Variants in NDUFAF6 observed in about 807,000 individuals in gnomAD.
The protein encoded by NDUFAF6 is NADH dehydrogenase (ubiquinone) complex I, assembly factor 6.
Under a neutral mutation model 40.8 loss-of-function variants are expected in NDUFAF6, and 45 were observed. That is an observed-to-expected ratio of 1.10 (90% confidence interval 0.87 to 1.42). The LOEUF is 1.42. Ranked by LOEUF, NDUFAF6 falls within the 40% of genes most tolerant of loss-of-function variation. The pLI is 0.00. For missense variants in NDUFAF6, 435 were observed against 418.5 expected (o/e 1.04, Z -0.34); for synonymous variants, 185 against 155.9 (o/e 1.19, Z -1.39).
At chr8:95,090,452 T>A (rs1809210178) in intron 2 of NDUFAF6, among the ~76,000 whole-genome samples, 1 of 152,230 alleles carries the variant, frequency 6.6e-6, no homozygotes, top group African/African-American at 2.4e-5. Context: ...TCCAGCTCTA[T>A]GTTCTGACAT....
downstream of NDUFAF6, among the ~76,000 whole-genome samples, chr8:95,059,477 G>T (rs76993088): frequency 5.8e-3 from 883 of 152,258 alleles, 4 homozygotes; most frequent in African/African-American, 0.02. Context: ...CTCTTAGTTG[G>T]TACTGATGTT....
At chr8:94,897,828 C>T (rs1817749312) in intron 1 of NDUFAF6, among the ~76,000 whole-genome samples, 2 of 150,958 alleles carry the variant, frequency 1.3e-5, no homozygotes, top group Admixed American at 1.3e-4. Context: ...ATTTCCAACT[C>T]GACCTCGGAA....
chr8:95,053,925 CT>C (rs71273448), intron 8 of NDUFAF6, among the ~76,000 whole-genome samples: 19 of 37,040 alleles, frequency 5.1e-4, no homozygotes, highest in South Asian at 2.0e-3. Context: ...CCGTGCCCGG[CT>C]TTTTTTTTTT....
chr8:94,969,421 ATTACT>A (rs1442398392), intron 1 of NDUFAF6, among the ~76,000 whole-genome samples: 2 of 152,192 alleles, frequency 1.3e-5, no homozygotes, highest in African/African-American at 4.8e-5. Context: ...AAGGTCATTG[ATTACT>A]TTAGAGAGAG....
chr8:95,098,859 T>C (rs1392934688), upstream of NDUFAF6, among the ~76,000 whole-genome samples: 3 of 150,270 alleles, frequency 2.0e-5, no homozygotes, highest in East Asian at 2.0e-4. Flanking sequence ...GAGGTGGAGG[T>C]TGCAGTGCGC....
intron 1 of NDUFAF6, among the ~76,000 whole-genome samples, chr8:94,943,560 T>C (rs771067231): frequency 1.3e-5 from 2 of 152,238 alleles, no homozygotes; most frequent in Non-Finnish European, 2.9e-5. Context: ...CACCTCTTTT[T>C]ATCACAAGCA....
intron 2 of NDUFAF6, among the ~76,000 whole-genome samples, chr8:95,090,693 A>G (rs1005587366): frequency 1.5e-4 from 23 of 152,298 alleles, no homozygotes; most frequent in Non-Finnish European, 3.4e-4. Context: ...CAAAGTATTG[A>G]TCCTGGGTCT....
intron 2 of NDUFAF6, among the ~76,000 whole-genome samples, chr8:95,002,065 T>C (rs2254651): frequency 0.99 from 151,376 of 152,338 alleles, 75,217 homozygotes; most frequent in East Asian, 1. Context: ...TTTAGTGACT[T>C]TTATGGTAGT....
At position 95,057,745 on chromosome 8, in the gene NDUFAF6, G is replaced by GTTT. The variant is rs33972988; in HGVS notation, c.874-52_874-50dup. 1,414 of 989,284 alleles carry GTTT rather than the reference G, an allele frequency of 1.4e-3. 4 individuals carry two copies. In the African/African-American group the frequency reaches 0.019, roughly 13 times the overall value. The allele number at this position is 989,284 out of a possible 1,614,324, so 61.3% of individuals were successfully genotyped here. A position where few individuals can be genotyped will look rare whatever the true frequency, so the allele number is the denominator to read the frequency against. ...AATACTTGTAATTATTCTTTAGTTA[G>GTTT]TTTTTTTTTTTTTTAAGTCTTGATC... On this transcript the variant is annotated intron_variant, in intron 8 of 8. Coordinates refer to ENST00000396124, the MANE Select transcript of NDUFAF6 (RefSeq NM_152416.4).
In NDUFAF6 at chr8:95,053,275, G is replaced by C. The variant is rs143041077; in HGVS notation, c.873+1045G>C. On this transcript the variant is annotated intron_variant, in intron 8 of 8. Coordinates refer to ENST00000396124, the MANE Select transcript of NDUFAF6 (RefSeq NM_152416.4). ...AAATCAGAGTTCTCACAATTCTACC[G>C]TATCTAGAGATAATGTCTGTTCATC... Among the ~76,000 whole-genome samples, 27 of 152,274 alleles carry C rather than the reference G, an allele frequency of 1.8e-4. 1 individual carries two copies. The South Asian group carries it at 4.3e-3, about 25-fold the overall frequency.
At chr8:95,077,975 C>G (rs1808686831), downstream of NDUFAF6, among the ~76,000 whole-genome samples, 1 of 151,952 alleles carries the variant, frequency 6.6e-6, no homozygotes. Context: ...TAGATGGAGC[C>G]AGCAGCAGGA....
chr8:95,055,569 C>A (rs562741401), intron 8 of NDUFAF6, among the ~76,000 whole-genome samples: 2 of 151,966 alleles, frequency 1.3e-5, no homozygotes, highest in African/African-American at 4.8e-5. Flanking sequence ...TTAAAATTAG[C>A]ATAATTCTTA....
At chr8:94,897,356 G>A (rs936253116) in intron 1 of NDUFAF6, among the ~76,000 whole-genome samples, 4 of 152,152 alleles carry the variant, frequency 2.6e-5, no homozygotes, top group Non-Finnish European at 4.4e-5. Context: ...GTCTTTGTGT[G>A]GAAAGGAATA....
intron 1 of NDUFAF6, chr8:94,927,725 A>G (rs572588633): frequency 1.3e-3 from 204 of 152,582 alleles, no homozygotes; most frequent in African/African-American, 4.7e-3. Context: ...AACATGGCGC[A>G]CTATAAAAGC....
chr8:94,992,683 GTCC>G (rs965775450), intron 2 of NDUFAF6, among the ~76,000 whole-genome samples: 9 of 152,246 alleles, frequency 5.9e-5, no homozygotes, highest in African/African-American at 2.2e-4. Context: ...CTCAGTTTCT[GTCC>G]TCCTTGAGAT....
rs869215515 is a variant in NDUFAF6, at chr8:95,005,552, TAA to T, written c.-84+24584_-84+24585del. On this transcript the variant is annotated intron_variant, in intron 2 of 9. Transcript: ENST00000396111. The stretch of plus-strand genomic sequence containing the variant: ...ATATATATATATATATATATATATA[TAA>T]AAAATATATTAACATAAATAATATA... Among the ~76,000 whole-genome samples, 626 of 112,154 alleles carry T rather than the reference TAA, an allele frequency of 5.6e-3. 23 individuals carry two copies. The highest frequency in any genetic ancestry group is 0.012 in the Middle Eastern group (2 of 168). The allele number at this position is 112,154 out of a possible 152,430, so 73.6% of individuals were successfully genotyped here.
chr8:95,110,660 G>A (rs1809974440), intron 4 of NDUFAF6, among the ~76,000 whole-genome samples: 2 of 152,266 alleles, frequency 1.3e-5, no homozygotes, highest in Non-Finnish European at 2.9e-5. Flanking sequence ...GAAAATCTGG[G>A]CCCAGAGTTT....
intron 4 of NDUFAF6, among the ~76,000 whole-genome samples, chr8:95,113,586 T>G (rs918358917): frequency 5.3e-5 from 8 of 152,212 alleles, no homozygotes; most frequent in Non-Finnish European, 1.2e-4. Context: ...TCTTCTTGCC[T>G]TCAAGCCCTG....
At chr8:94,936,862 A>T (rs779901977) in intron 1 of NDUFAF6, among the ~76,000 whole-genome samples, 25 of 152,078 alleles carry the variant, frequency 1.6e-4, no homozygotes, top group Non-Finnish European at 1.9e-4. Context: ...GCATCTAGAC[A>T]TTCCTCTTCT....
Sources: allele counts gnomAD v4.1 joint callset (sites outside exome capture counted in the v4.1 genomes callset), GRCh38; gene constraint gnomAD v4.1.1; transcripts MANE v1.5; gene names NCBI Gene and HGNC (gene_info 2026-07-23, HGNC 2026-07-21).